The following ZC3H15 variants were observed in gnomAD, a reference collection of about 807,000 sequenced individuals.
ZC3H15 encodes the protein zinc finger CCCH domain-containing protein 15.
In ZC3H15, 15 loss-of-function variants were observed where a neutral mutation model predicts 51.2. The observed-to-expected ratio is 0.29, with a 90% CI of 0.20 to 0.45. The LOEUF is 0.45. Ranked by LOEUF, ZC3H15 falls within the 20% of genes least tolerant of loss-of-function variation. The pLI, the probability that ZC3H15 is intolerant of heterozygous loss-of-function variation, is 1.00. For missense variants in ZC3H15, 381 were observed against 494.7 expected, an observed-to-expected ratio of 0.77 and a Z score of 2.18; for synonymous variants, 144 against 162.8, an observed-to-expected ratio of 0.88 and a Z score of 0.88.
At chr2:186,494,193 T>TA (rs1685245700) in intron 1 of ZC3H15, among the ~76,000 whole-genome samples, 1 of 152,206 alleles carries the variant, frequency 6.6e-6, no homozygotes, top group African/African-American at 2.4e-5. Flanking sequence ...GCTGCTGTTA[T>TA]ATTGAATATT....
At chr2:186,500,991 C>T (rs1250471790) in intron 3 of ZC3H15, among the ~76,000 whole-genome samples, 1 of 152,138 alleles carries the variant, frequency 6.6e-6, no homozygotes, top group Non-Finnish European at 1.5e-5. Context: ...GCCTCTTGCC[C>T]TATTGACATC....
In ZC3H15 at chr2:186,497,081, T is replaced by C. The variant is rs190211783; in HGVS notation, c.177+1747T>C. Reference sequence around the variant, plus strand: ...TAGCCCCTTTTTTTTTCAGGTTCTTTAGACCTCTCACTTGTAAAGATTTCA... The same window carrying C: ...TAGCCCCTTTTTTTTTCAGGTTCTTCAGACCTCTCACTTGTAAAGATTTCA... On this transcript the variant is annotated intron_variant, in intron 2 of 9. Transcript: ENST00000337859. 7.6e-5 allele frequency: 31 copies of C among 407,452 alleles called. No individual in the cohort carries two copies. In the East Asian group the frequency reaches 2.3e-3, roughly 30 times the overall value. The allele number at this position is 407,452 out of a possible 1,614,324, so 25.2% of individuals were successfully genotyped here.
chr2:186,495,677 T>C (rs1007563878), intron 2 of ZC3H15, among the ~76,000 whole-genome samples: 6 of 152,246 alleles, frequency 3.9e-5, no homozygotes, highest in African/African-American at 9.6e-5. Flanking sequence ...TTTATGCTTT[T>C]ATTTCTGTGG....
chr2:186,493,442 G>T lies in ZC3H15; in HGVS notation c.76-1791G>T, dbSNP rs1159369094. On this transcript the variant is annotated intron_variant, in intron 1 of 9. Transcript: ENST00000337859. ...TACAGTTAGACTTATTGCCCTCCCAGCTGGAGGATCTTTCTCCAGAGAACC... is the reference window on the plus strand; with the variant it reads ...TACAGTTAGACTTATTGCCCTCCCATCTGGAGGATCTTTCTCCAGAGAACC... Among the ~76,000 whole-genome samples, 4 of 152,112 alleles carry T rather than the reference G, an allele frequency of 2.6e-5. No homozygotes were observed. In the South Asian group the frequency reaches 8.3e-4, roughly 32 times the overall value.
rs367640839 is a variant in ZC3H15 at position 186,506,843 on chromosome 2, A to G, written c.1090+7A>G. The G allele has an allele frequency of 3.1e-6, 5 of 1,606,170 alleles. No individual in the cohort carries two copies. The highest frequency in any genetic ancestry group is 1.7e-5 in the Admixed American group (1 of 58,272). On this transcript the variant is annotated splice_region_variant and intron_variant, in intron 9 of 9. Transcript: ENST00000337859. ...TATACTTCAGATAAAGATGGTAAGT[A>G]TGCTAACTTTTGCCTAATTTTAAGA...
chr2:186,499,336 G>A (rs4667102), intron 2 of ZC3H15, among the ~76,000 whole-genome samples: 100,800 of 152,056 alleles, frequency 0.66, 33,725 homozygotes, highest in Non-Finnish European at 0.71. Flanking sequence ...AGCTACTGAT[G>A]CAATCTAAGC....
intron 2 of ZC3H15, chr2:186,497,256 T>C: frequency 3.1e-6 from 1 of 320,416 alleles, no homozygotes; most frequent in Non-Finnish European, 5.9e-6. Flanking sequence ...AATATGTATT[T>C]GTGAGATAAG....
chr2:186,499,003 A>G (rs753499560), intron 2 of ZC3H15, among the ~76,000 whole-genome samples: 28 of 152,022 alleles, frequency 1.8e-4, no homozygotes, highest in Non-Finnish European at 3.5e-4. Flanking sequence ...GCTCATCTTC[A>G]CCTCTTACCC....
At chr2:186,497,139 T>G (rs1443291740) in intron 2 of ZC3H15, 1 of 445,488 alleles carries the variant, frequency 2.2e-6, no homozygotes, top group Non-Finnish European at 4.5e-6. Context: ...AAGTACATTT[T>G]TCCACCATTT....
rs1283120400 is a variant in ZC3H15, at chr2:186,509,110, A to C, written c.*377A>C. ...CCTTCATTTGACACAGTTTTTAATG[A>C]GTGATTTAATTTCCTCTGTATTTGT... On this transcript the variant is annotated 3_prime_UTR_variant, in exon 10 of 10. Coordinates refer to ENST00000337859, the MANE Select transcript of ZC3H15 (RefSeq NM_018471.3). 7 of 456,232 alleles carry C rather than the reference A, an allele frequency of 1.5e-5. No homozygotes were observed. The East Asian group carries it at 2.8e-4, about 18-fold the overall frequency. 28.3% of individuals were successfully genotyped at this position (456,232 alleles called of 1,614,324 possible). A position where few individuals can be genotyped will look rare whatever the true frequency, so the allele number is the denominator to read the frequency against.
In ZC3H15 at chr2:186,502,509, T is replaced by C. The variant is rs373725374; in HGVS notation, c.456T>C (p.Asn152=). Residue 152 remains asparagine, a synonymous_variant, in exon 5 of 10, where the codon AAT becomes AAC. Transcript: ENST00000337859. ...DEELEKDTMD[N]WDEKKLEEVV... ...TTCTTTATTTAGATACTATGGATAA[T>C]TGGGATGAGAAAAAGCTGGAAGAAG... 3.5e-5 allele frequency: 57 copies of C among 1,611,984 alleles called. No homozygotes were observed. Among genetic ancestry groups the C allele is most frequent in the Non-Finnish European group, 4.7e-5 (56 of 1,179,008 alleles).
intron 9 of ZC3H15, 40 bp downstream of exon 9, chr2:186,506,876 A>G: frequency 6.9e-6 from 11 of 1,590,654 alleles, no homozygotes; most frequent in Non-Finnish European, 8.5e-6. Context: ...AGAACTAGGA[A>G]GTTATCTAAA....
chr2:186,500,800 A>G (rs1685370027), intron 3 of ZC3H15: 2 of 423,292 alleles, frequency 4.7e-6, no homozygotes, highest in Non-Finnish European at 9.4e-6. Flanking sequence ...TCAGCCTCCC[A>G]GGTAGCTGGG....
At chr2:186,505,914 A>T in intron 8 of ZC3H15, 73 bp downstream of exon 8, 1 of 1,481,110 alleles carries the variant, frequency 6.8e-7, no homozygotes, top group Non-Finnish European at 9.3e-7. Context: ...CAACATGGTT[A>T]AGAGCCACCA....
At chr2:186,506,211 A>C in intron 8 of ZC3H15, 1 of 336,184 alleles carries the variant, frequency 3.0e-6, no homozygotes, top group Non-Finnish European at 5.8e-6. Flanking sequence ...GGACAAGTGC[A>C]CTAATTTAAA....
In ZC3H15 at chr2:186,506,163, G is replaced by T; in HGVS notation, c.966+322G>T. 5.3e-6 allele frequency: 2 copies of T among 378,458 alleles called. 1 individual carries two copies. 23.4% of individuals were successfully genotyped at this position (378,458 alleles called of 1,614,324 possible). A position where few individuals can be genotyped will look rare whatever the true frequency, so the allele number is the denominator to read the frequency against. ...TTTTGTCCTCCCTCTAAAAGAGAGA[G>T]TTATTTTTTGGTTAATATTTTATGC... On this transcript the variant is annotated intron_variant, in intron 8 of 9. Coordinates refer to ENST00000337859, the MANE Select transcript of ZC3H15 (RefSeq NM_018471.3).
At chr2:186,499,756 T>C in intron 2 of ZC3H15, 1 of 357,774 alleles carries the variant, frequency 2.8e-6, no homozygotes, top group South Asian at 2.1e-5. Context: ...CCCAGTGTTT[T>C]TCCATGAGGG....
chr2:186,494,564 C>A (rs1189065124), intron 1 of ZC3H15, among the ~76,000 whole-genome samples: 3 of 152,110 alleles, frequency 2.0e-5, no homozygotes, highest in African/African-American at 4.8e-5. Flanking sequence ...ATTAAGAATC[C>A]TTTTAATCAA....
At chr2:186,508,488 T>C (rs988900916) in intron 9 of ZC3H15, 55 bp from the exon 10 acceptor site, 4 of 1,495,902 alleles carry the variant, frequency 2.7e-6, no homozygotes, top group African/African-American at 2.8e-5. Context: ...CTATTGCTAA[T>C]GTGGAATGGT....
Sources: allele counts gnomAD v4.1 joint callset (sites outside exome capture counted in the v4.1 genomes callset), GRCh38; gene constraint gnomAD v4.1.1; transcripts MANE v1.5; gene names NCBI Gene and HGNC (gene_info 2026-07-23, HGNC 2026-07-21).